Variants in DNAAF11 observed in about 807,000 individuals in gnomAD.
DNAAF11 encodes the protein leucine rich repeat containing 6.
In DNAAF11, 45 loss-of-function variants were observed where a neutral mutation model predicts 60.8. The observed-to-expected ratio is 0.74, with a 90% CI of 0.58 to 0.95. The LOEUF (loss-of-function observed/expected upper bound fraction) is 0.95, where lower values mean the gene tolerates loss of function less well. DNAAF11 is among the 40% of genes least tolerant of loss of function. The pLI is 0.00. For missense variants in DNAAF11, 546 were observed against 546.2 expected (o/e 1.00, Z 0.00); for synonymous variants, 191 against 183.5 (o/e 1.04, Z -0.33).
At chr8:132,608,455 C>A in intron 10 of DNAAF11, 2 of 444,044 alleles carry the variant, frequency 4.5e-6, no homozygotes, top group Admixed American at 2.4e-5. Context: ...AAAATTTAGA[C>A]AGATTAAAAA....
At chr8:132,608,810 A>C (rs1008394290) in intron 10 of DNAAF11, among the ~76,000 whole-genome samples, 1 of 152,226 alleles carries the variant, frequency 6.6e-6, no homozygotes, top group Admixed American at 6.5e-5. Context: ...TACAATTCTT[A>C]CAGCTGTGTT....
intron 10 of DNAAF11, among the ~76,000 whole-genome samples, chr8:132,602,308 GC>G (rs1817712728): frequency 6.6e-6 from 1 of 152,060 alleles, no homozygotes; most frequent in Non-Finnish European, 1.5e-5. Context: ...ACAACAGGGA[GC>G]AGCCATCAAC....
chr8:132,702,483 C>A, the DNAAF11 span, among the ~76,000 whole-genome samples: 2 of 152,118 alleles, frequency 1.3e-5, no homozygotes, highest in African/African-American at 4.8e-5. Context: ...CACAGTTAGT[C>A]TCTCCTTTCT....
intron 1 of DNAAF11, among the ~76,000 whole-genome samples, chr8:132,669,603 G>A (rs1427366732): frequency 6.6e-6 from 1 of 152,158 alleles, no homozygotes; most frequent in Non-Finnish European, 1.5e-5. Context: ...GCACTATGAA[G>A]AGGTTTTCAT....
At chr8:132,679,117 GAT>G (rs1302155591), upstream of DNAAF11, among the ~76,000 whole-genome samples, 1 of 152,178 alleles carries the variant, frequency 6.6e-6, no homozygotes, top group Non-Finnish European at 1.5e-5. Flanking sequence ...GAAGCCCAGT[GAT>G]ATTATTTTAC....
rs1820143088 is a variant in DNAAF11 at position 132,625,305 on chromosome 8, A to G, written c.803T>C (p.Met268Thr). 1 of 1,606,606 alleles carries G rather than the reference A, an allele frequency of 6.2e-7. No homozygotes were observed. The highest frequency in any genetic ancestry group is 8.5e-7 in the Non-Finnish European group (1 of 1,177,356). ...PESRLETLRH[M>T]EKQRKKQEKL... The stretch of plus-strand genomic sequence containing the variant: ...TTCCTGTTTCTTCCGTTGTTTTTCC[A>G]TGTGTCTAAGAGTTTCCAATCTTGA... The change falls in exon 6 of 12, where the codon ATG (methionine) becomes ACG (threonine). Residue 268 changes from methionine to threonine, a missense_variant. Met to Thr is a moderately conservative substitution (Grantham distance 81). Transcript: ENST00000620350.
At chr8:132,656,155 G>A (rs1000838533) in intron 3 of DNAAF11, among the ~76,000 whole-genome samples, 5 of 152,154 alleles carry the variant, frequency 3.3e-5, no homozygotes, top group South Asian at 4.1e-4. Context: ...ATTCCGGTAC[G>A]TAGCCCCACG....
intron 10 of DNAAF11, among the ~76,000 whole-genome samples, chr8:132,605,648 GTACAGCAGGAACAGGAGATTTAGAA>G (rs1232997528): frequency 6.6e-6 from 1 of 152,168 alleles, no homozygotes; most frequent in Non-Finnish European, 1.5e-5. Context: ...TATTTAGACT[GTACAGCAGGAACAGGAGATTTAGAA>G]TACAGCAGGA....
At chr8:132,655,589 T>C (rs772664418) in intron 3 of DNAAF11, among the ~76,000 whole-genome samples, 10 of 152,160 alleles carry the variant, frequency 6.6e-5, no homozygotes, top group Non-Finnish European at 7.4e-5. Flanking sequence ...ATCTAGAATA[T>C]ATAAAGAACA....
the DNAAF11 span, among the ~76,000 whole-genome samples, chr8:132,695,689 A>G: frequency 1.3e-5 from 2 of 152,174 alleles, no homozygotes; most frequent in South Asian, 4.2e-4. Context: ...ATTGCGAGGC[A>G]CCACCAAACA....
chr8:132,654,379 A>G (rs183529511), intron 3 of DNAAF11, among the ~76,000 whole-genome samples: 1 of 152,008 alleles, frequency 6.6e-6, no homozygotes, highest in African/African-American at 2.4e-5. Context: ...TTAGAATATC[A>G]GCAAGGAAAT....
chr8:132,674,217 G>GAGGAGAAGGAGA (rs1223972198), intron 1 of DNAAF11, among the ~76,000 whole-genome samples: 1 of 149,288 alleles, frequency 6.7e-6, no homozygotes, highest in African/African-American at 2.5e-5. Flanking sequence ...GAAGGAGGAG[G>GAGGAGAAGGAGA]AGGAGAAGGA....
chr8:132,611,155 A>G (rs1818623714), intron 9 of DNAAF11, 139 bp downstream of exon 9: 1 of 532,072 alleles, frequency 1.9e-6, no homozygotes, highest in South Asian at 3.0e-5. Context: ...TGGCCTCCCA[A>G]AGTGCTGGGA....
intron 3 of DNAAF11, among the ~76,000 whole-genome samples, chr8:132,639,482 A>G (rs1010109557): frequency 6.6e-6 from 1 of 152,162 alleles, no homozygotes; most frequent in Non-Finnish European, 1.5e-5. Context: ...ATTTAGAGTG[A>G]ATTTTGGTTC....
intron 7 of DNAAF11, among the ~76,000 whole-genome samples, chr8:132,619,559 C>T (rs1178485210): frequency 6.6e-6 from 1 of 151,930 alleles, no homozygotes; most frequent in Non-Finnish European, 1.5e-5. Flanking sequence ...AATAATATGG[C>T]TAAGGAAATT....
At chr8:132,696,766 A>G in the DNAAF11 span, among the ~76,000 whole-genome samples, 4,464 of 152,286 alleles carry the variant, frequency 0.029, 255 homozygotes, top group African/African-American at 0.1. Flanking sequence ...GGAGGCCATT[A>G]TTCTTAGCAA....
the DNAAF11 span, among the ~76,000 whole-genome samples, chr8:132,681,076 T>C: frequency 3.1e-5 from 4 of 128,368 alleles, no homozygotes; most frequent in Admixed American, 9.4e-5. Flanking sequence ...AATGGTGCAA[T>C]CTCGGCTCAC....
chr8:132,580,598 GA>G (rs1267073042), intron 11 of DNAAF11, among the ~76,000 whole-genome samples: 1 of 151,622 alleles, frequency 6.6e-6, no homozygotes, highest in Admixed American at 6.6e-5. Flanking sequence ...CAGCAACAGA[GA>G]AAAAAATAAA....
intron 2 of DNAAF11, among the ~76,000 whole-genome samples, chr8:132,660,733 C>G (rs1241478006): frequency 2.0e-5 from 3 of 152,190 alleles, no homozygotes; most frequent in African/African-American, 7.2e-5. Context: ...TTTCTGGGAT[C>G]TTCCTGCCAG....
Sources: allele counts gnomAD v4.1 joint callset (sites outside exome capture counted in the v4.1 genomes callset), GRCh38; gene constraint gnomAD v4.1.1; transcripts MANE v1.5; gene names NCBI Gene and HGNC (gene_info 2026-07-23, HGNC 2026-07-21).